TTF1: variants seen among roughly 807,000 people sequenced by gnomAD.
TTF1 encodes transcription termination factor, RNA polymerase I.
TTF1 carries 64 observed loss-of-function variants against 80.2 expected under a neutral mutation model. The ratio of observed to expected loss-of-function variants is 0.80; its 90% CI spans 0.65 to 0.98. The LOEUF (loss-of-function observed/expected upper bound fraction) is 0.98. Ranked by LOEUF, TTF1 falls within the 50% of genes least tolerant of loss-of-function variation. The probability of loss-of-function intolerance (pLI) is 0.00; values close to 1 mark genes in which losing one functional copy is unlikely to be tolerated. For missense variants in TTF1, 1,023 were observed against 1,086.2 expected (o/e 0.94, Z 0.82); for synonymous variants, 372 against 382.7 (o/e 0.97, Z 0.33).
rs185292068 is a variant in TTF1 at position 132,398,033 on chromosome 9, G to A, written c.1777+108C>T. ...TCAGCCATCACAGCAGTTAATGTGC[G>A]CCGCCTGCAGGCAATGGGCCAGGTA... is the stretch of plus-strand genomic sequence containing the variant. On this transcript the variant is annotated intron_variant, in intron 4 of 10. Coordinates refer to ENST00000334270, the MANE Select transcript of TTF1 (RefSeq NM_007344.4). 58 of 822,798 alleles carry A rather than the reference G, an allele frequency of 7.0e-5. No homozygotes were observed. In the Admixed American group the frequency reaches 7.6e-4, roughly 11 times the overall value. The allele number at this position is 822,798 out of a possible 1,614,324, so 51.0% of individuals were successfully genotyped here.
At chr9:132,392,240 A>G in intron 5 of TTF1, 34 bp from the exon 6 acceptor site, 1 of 1,612,656 alleles carries the variant, frequency 6.2e-7, no homozygotes, top group South Asian at 1.1e-5. Context: ...ACAAGTTTAA[A>G]CGAACTATCA....
At chr9:132,377,144 TGA>T (rs2131614136) in intron 10 of TTF1, among the ~76,000 whole-genome samples, 1 of 151,656 alleles carries the variant, frequency 6.6e-6, no homozygotes, top group East Asian at 1.9e-4. Context: ...GTGGTGTGTG[TGA>T]GTGCATGCAT....
chr9:132,402,608 T>G lies in TTF1; in HGVS notation c.214A>C (p.Ile72Leu). The change falls in exon 2 of 11, where the codon ATC becomes CTC. Residue 72 changes from isoleucine (I) to leucine (L), a missense_variant. By Grantham distance (5) the Ile-to-Leu change is conservative. Coordinates refer to ENST00000334270, the MANE Select transcript of TTF1 (RefSeq NM_007344.4). ...LISSPLKKSRICDETANATST... is the reference protein window; with the variant it reads ...LISSPLKKSRLCDETANATST... ...GTGGCATTTGCAGTCTCATCACAGA[T>G]TCTGGATTTTTTCAAAGGAGAAGAA... is the stretch of plus-strand genomic sequence containing the variant. 1 of 1,613,402 alleles carries G rather than the reference T, an allele frequency of 6.2e-7. No homozygotes were observed. The highest frequency in any genetic ancestry group is 8.5e-7 in the Non-Finnish European group (1 of 1,179,840).
rs764770776 is a variant in TTF1 at position 132,401,670 on chromosome 9, A to G, written c.1152T>C (p.Ser384=). The G allele has an allele frequency of 4.3e-6, 7 of 1,614,168 alleles. No individual in the cohort carries two copies. The South Asian group carries it at 7.7e-5, about 18-fold the overall frequency. The stretch of plus-strand genomic sequence containing the variant: ...TCCTTTTCTTAGACTTCTTCTTTGT[A>G]CTGTTGGATTCCTTGAACCCTTTAA... The part of the protein sequence containing the change: ...TALKGFKESN[S]TKKKSKKRKL... Residue 384 remains serine (S), a synonymous_variant, in exon 2 of 11, where the codon AGT becomes AGC. Coordinates refer to ENST00000334270, the MANE Select transcript of TTF1 (RefSeq NM_007344.4).
chr9:132,378,816 T>A (rs1256020032), intron 10 of TTF1, among the ~76,000 whole-genome samples: 1 of 152,098 alleles, frequency 6.6e-6, no homozygotes, highest in East Asian at 1.9e-4. Flanking sequence ...CCAGCAGGAC[T>A]CAGTTATTTA....
rs1361438932 is a variant in TTF1 at position 132,401,692 on chromosome 9, T to G, written c.1130A>C (p.Lys377Thr). 6.2e-7 allele frequency: 1 copy of G among 1,614,252 alleles called. No individual in the cohort carries two copies. Among genetic ancestry groups the G allele is most frequent in the Admixed American group, 1.7e-5 (1 of 60,030 alleles). Residue 377 changes from lysine (K) to threonine (T), a missense_variant, in exon 2 of 11, where the codon AAA becomes ACA. Lys to Thr is a moderately conservative substitution (Grantham distance 78). Transcript: ENST00000334270. ...VGTVEGSTAL[K>T]GFKESNSTKK... ...TGTACTGTTGGATTCCTTGAACCCTTTAAGAGCTGTACTGCCTTCCACAGT... is the reference window on the plus strand; with the variant it reads ...TGTACTGTTGGATTCCTTGAACCCTGTAAGAGCTGTACTGCCTTCCACAGT...
In TTF1 at chr9:132,388,191, GCCGA is replaced by G. The variant is rs1564185698; in HGVS notation, c.2256_2259del (p.Arg753ValfsTer6). ...AGGGCATTCATGCCATAGTAGATACGCCGACCATTAGTCATCCTCTTGGTTAGAA... is the reference window on the plus strand; with the variant it reads ...AGGGCATTCATGCCATAGTAGATACGCCATTAGTCATCCTCTTGGTTAGAA... On this transcript the variant is annotated frameshift_variant, in exon 8 of 11. Transcript: ENST00000334270. LOFTEE classifies it high-confidence loss of function. 6.2e-7 allele frequency: 1 copy of G among 1,611,390 alleles called. No individual in the cohort carries two copies. The highest frequency in any genetic ancestry group is 8.5e-7 in the Non-Finnish European group (1 of 1,178,390).
rs1292429922 is a variant in TTF1 at position 132,402,690 on chromosome 9, A to G, written c.132T>C (p.Asn44=). 6.2e-6 allele frequency: 10 copies of G among 1,613,996 alleles called. No individual in the cohort carries two copies. The East Asian group carries it at 1.8e-4, about 29-fold the overall frequency. ...HEIFRDSSLV[N]EQSQITRRKK... ...TCCTCCTAGTTATTTGAGACTGTTC[A>G]TTCACCAGGGAGGAGTCTCTGAAAA... The change falls in exon 2 of 11, where the codon AAT becomes AAC. Residue 44 remains asparagine (N), a synonymous_variant. Transcript: ENST00000334270.
At chr9:132,383,471 G>A (rs1394454905) in intron 9 of TTF1, among the ~76,000 whole-genome samples, 2 of 152,132 alleles carry the variant, frequency 1.3e-5, no homozygotes, top group Non-Finnish European at 2.9e-5. Context: ...CTCTTGAATG[G>A]TTATGGGAAA....
At position 132,402,122 on chromosome 9, in the gene TTF1, G is replaced by C. The variant is rs150653192; in HGVS notation, c.700C>G (p.Leu234Val). 6.2e-7 allele frequency: 1 copy of C among 1,614,044 alleles called. No homozygotes were observed. Reference sequence around the variant, plus strand: ...GCTTGCGATCCTTCAGGCATGGCCAGTGTCTCATATTCCCGGTTACTGGAC... The same window carrying C: ...GCTTGCGATCCTTCAGGCATGGCCACTGTCTCATATTCCCGGTTACTGGAC... ...KKSSNREYET[L>V]AMPEGSQAGR... is the part of the protein sequence containing the mutation. Residue 234 changes from leucine (L) to valine (V), a missense_variant, in exon 2 of 11, where the codon CTG becomes GTG. Transcript: ENST00000334270.
At position 132,386,626 on chromosome 9, in the gene TTF1, G is replaced by A. The variant is rs45610937; in HGVS notation, c.2313-5C>T. On this transcript the variant is annotated splice_polypyrimidine_tract_variant and splice_region_variant and intron_variant, in intron 8 of 10. Coordinates refer to ENST00000334270, the MANE Select transcript of TTF1 (RefSeq NM_007344.4). ...TCCACATTTATTTCATACAACCTGT[G>A]AGAAAAAATAAAAATTAAATTTTCA... The A allele has an allele frequency of 0.02, 32,173 of 1,606,552 alleles. 438 individuals carry two copies. The highest frequency in any genetic ancestry group is 0.024 in the Non-Finnish European group (27,773 of 1,174,296).
intron 5 of TTF1, among the ~76,000 whole-genome samples, chr9:132,395,869 C>G (rs150203883): frequency 2.6e-4 from 40 of 152,258 alleles, no homozygotes; most frequent in African/African-American, 9.1e-4. Flanking sequence ...ACGTGCTAAC[C>G]CAAACGCTCG....
chr9:132,380,120 A>C (rs551240103), intron 9 of TTF1, among the ~76,000 whole-genome samples: 1 of 151,886 alleles, frequency 6.6e-6, no homozygotes, highest in East Asian at 1.9e-4. Context: ...CCCAGGCTGG[A>C]GTGCAGAGGC....
chr9:132,380,982 G>A (rs1004055689), intron 9 of TTF1, among the ~76,000 whole-genome samples: 14 of 151,972 alleles, frequency 9.2e-5, no homozygotes, highest in African/African-American at 3.1e-4. Context: ...CGTGATCTCG[G>A]GTCACTGCAA....
intron 10 of TTF1, among the ~76,000 whole-genome samples, chr9:132,376,855 A>AT (rs1038366649): frequency 4.0e-5 from 6 of 151,724 alleles, no homozygotes; most frequent in Non-Finnish European, 5.9e-5. Flanking sequence ...CACTTTTTGT[A>AT]TTTTTTGTAG....
intron 6 of TTF1, 79 bp downstream of exon 6, chr9:132,391,997 C>A: frequency 6.3e-7 from 1 of 1,589,254 alleles, no homozygotes; most frequent in South Asian, 1.1e-5. Context: ...GATTTCCGGG[C>A]ATTGGATCGG....
At chr9:132,385,791 T>C (rs1461464585) in intron 9 of TTF1, among the ~76,000 whole-genome samples, 1 of 152,256 alleles carries the variant, frequency 6.6e-6, no homozygotes. Context: ...GTGCCTGGTA[T>C]ACAGAAGGTA....
rs1849790165 is a variant in TTF1, at chr9:132,402,711, G to A, written c.111C>T (p.Phe37=). 6.2e-7 allele frequency: 1 copy of A among 1,613,972 alleles called. No individual in the cohort carries two copies. Among genetic ancestry groups the A allele is most frequent in the South Asian group, 1.1e-5 (1 of 91,060 alleles). The change falls in exon 2 of 11, where the codon TTC becomes TTT. Residue 37 remains phenylalanine, a synonymous_variant. Coordinates refer to ENST00000334270, the MANE Select transcript of TTF1 (RefSeq NM_007344.4). The part of the protein sequence containing the change: ...ERPQKHSHEI[F]RDSSLVNEQS... ...GTTCATTCACCAGGGAGGAGTCTCT[G>A]AAAATTTCGTGGGAATGTTTCTGAG...
chr9:132,377,354 GGT>G (rs764616983), intron 10 of TTF1, among the ~76,000 whole-genome samples: 8 of 126,056 alleles, frequency 6.3e-5, no homozygotes, highest in Non-Finnish European at 6.5e-5. Flanking sequence ...GAGTGCATGT[GGT>G]GTGTGTGAGT....
Sources: gnomAD v4.1 joint callset for allele counts (sites outside exome capture counted in the v4.1 genomes callset) on GRCh38, gnomAD v4.1.1 for gene constraint, MANE v1.5 for transcripts, NCBI Gene and HGNC (gene_info 2026-07-23, HGNC 2026-07-21) for gene names.